The following ITPR1 variants were observed in gnomAD, a reference collection of about 807,000 sequenced individuals.
The protein encoded by ITPR1 is inositol 1,4,5-trisphosphate-gated calcium channel ITPR1.
ITPR1 carries 96 observed loss-of-function variants against 318.4 expected under a neutral mutation model. The observed-to-expected ratio is 0.30, with a 90% CI of 0.26 to 0.36. ITPR1 has a LOEUF of 0.36. ITPR1 is among the 10% of genes least tolerant of loss of function. The probability of loss-of-function intolerance (pLI) is 1.00; values close to 1 mark genes in which losing one functional copy is unlikely to be tolerated. For synonymous variants in ITPR1, 1,312 were observed against 1,289.9 expected (o/e 1.02, Z -0.37); for missense variants, 2,440 against 3,460.2 (o/e 0.71, Z 7.40).
intron 13 of ITPR1, among the ~76,000 whole-genome samples, chr3:4,660,491 T>C (rs973480346): frequency 1.3e-5 from 2 of 152,026 alleles, no homozygotes; most frequent in Non-Finnish European, 2.9e-5. Context: ...GTTATCCGTC[T>C]TTTACTTTTA....
chr3:4,700,478 G>A (rs777331272), intron 35 of ITPR1, among the ~76,000 whole-genome samples: 1 of 152,204 alleles, frequency 6.6e-6, no homozygotes, highest in Non-Finnish European at 1.5e-5. Context: ...AACATGTACT[G>A]GTTGAAGCCT....
Position 4,813,190 on chromosome 3 carries a change from G to A in ITPR1, c.7517G>A (p.Arg2506Lys). ...GAGTTCCTGTTCTCCGATGTGTGTA[G>A]GGTGGAGAGTGGGGAGAACTGCTCC... ...ASEFLFSDVC[R>K]VESGENCSSP... The change falls in exon 57 of 62, where the codon AGG becomes AAG. Residue 2506 changes from arginine to lysine, a missense_variant. Physicochemically the swap from Arg to Lys is conservative, Grantham distance 26 (BLOSUM62 2). Transcript: ENST00000649015. 1 of 1,613,918 alleles carries A rather than the reference G, an allele frequency of 6.2e-7. No individual in the cohort carries two copies. Among genetic ancestry groups the A allele is most frequent in the Non-Finnish European group, 8.5e-7 (1 of 1,179,810 alleles).
chr3:4,590,531 A>C (rs1463440168), intron 4 of ITPR1, among the ~76,000 whole-genome samples: 1 of 149,372 alleles, frequency 6.7e-6, no homozygotes, highest in East Asian at 1.9e-4. Context: ...CTTAATAATA[A>C]TAATAATTTT....
At chr3:4,694,080 C>T (rs74441817) in intron 33 of ITPR1, among the ~76,000 whole-genome samples, 2,270 of 151,962 alleles carry the variant, frequency 0.015, 58 homozygotes, top group African/African-American at 0.052. Context: ...AGATCTAGTC[C>T]ATATGAATGT....
intron 4 of ITPR1, among the ~76,000 whole-genome samples, chr3:4,524,151 C>T (rs1234520867): frequency 6.6e-6 from 1 of 152,186 alleles, no homozygotes; most frequent in East Asian, 1.9e-4. Flanking sequence ...ACCAGAGGTC[C>T]CCTGCACCCA....
chr3:4,675,277 G>A (rs1256532124), intron 23 of ITPR1, 29 bp downstream of exon 23: 9 of 1,534,916 alleles, frequency 5.9e-6, no homozygotes, highest in Non-Finnish European at 8.0e-6. Flanking sequence ...CCATACATCT[G>A]AGAGATGCCC....
intron 60 of ITPR1, among the ~76,000 whole-genome samples, chr3:4,830,013 GC>G (rs2050366608): frequency 9.0e-6 from 1 of 111,110 alleles, no homozygotes; most frequent in African/African-American, 3.5e-5. Flanking sequence ...CTGCTCTGTT[GC>G]CCAGGCTGGA....
intron 10 of ITPR1, among the ~76,000 whole-genome samples, chr3:4,647,759 T>C (rs1275494869): frequency 6.6e-6 from 1 of 152,212 alleles, no homozygotes; most frequent in Non-Finnish European, 1.5e-5. Flanking sequence ...TCTCATGTGC[T>C]TATTTGGCAT....
intron 4 of ITPR1, among the ~76,000 whole-genome samples, chr3:4,525,714 T>A (rs1159589135): frequency 6.6e-6 from 1 of 152,188 alleles, no homozygotes; most frequent in African/African-American, 2.4e-5. Context: ...TTCTCCCTGA[T>A]TTGTGTTGTC....
intron 47 of ITPR1, among the ~76,000 whole-genome samples, chr3:4,775,644 C>G (rs994546722): frequency 1.3e-5 from 2 of 152,292 alleles, no homozygotes; most frequent in Non-Finnish European, 1.5e-5. Context: ...ATTGGAGGGA[C>G]AGTCCATGGT....
chr3:4,778,040 C>T (rs1297404532), intron 48 of ITPR1, among the ~76,000 whole-genome samples: 8 of 152,192 alleles, frequency 5.3e-5, no homozygotes, highest in Admixed American at 2.0e-4. Context: ...AACAGCTTAA[C>T]GGAATGAAAA....
intron 37 of ITPR1, 101 bp downstream of exon 37, chr3:4,706,452 T>C (rs781222917): frequency 1.9e-6 from 2 of 1,051,958 alleles, no homozygotes. Flanking sequence ...AGCTGGGCCG[T>C]GGGAAGATGT....
chr3:4,675,332 C>A, intron 23 of ITPR1, 84 bp downstream of exon 23: 1 of 907,918 alleles, frequency 1.1e-6, no homozygotes, highest in Non-Finnish European at 1.7e-6. Context: ...ATATGTGATG[C>A]CACATCCTTT....
chr3:4,587,538 T>C (rs1457000624), intron 4 of ITPR1, among the ~76,000 whole-genome samples: 1 of 152,212 alleles, frequency 6.6e-6, no homozygotes, highest in Non-Finnish European at 1.5e-5. Flanking sequence ...CCCAAAGTAC[T>C]GGGATTACAG....
intron 10 of ITPR1, 57 bp downstream of exon 10, chr3:4,645,785 G>A (rs2093440760): frequency 9.1e-7 from 1 of 1,104,200 alleles, no homozygotes; most frequent in Non-Finnish European, 1.2e-6. Context: ...CCTGTATATA[G>A]GCTCTCTCTC....
At chr3:4,581,494 G>C (rs1007716583) in intron 4 of ITPR1, among the ~76,000 whole-genome samples, 5 of 152,110 alleles carry the variant, frequency 3.3e-5, no homozygotes, top group Non-Finnish European at 5.9e-5. Flanking sequence ...GGAATATTTG[G>C]GATGGTAGTG....
intron 60 of ITPR1, among the ~76,000 whole-genome samples, chr3:4,828,622 C>T (rs545620405): frequency 1.9e-4 from 29 of 152,282 alleles, no homozygotes; most frequent in African/African-American, 5.8e-4. Context: ...CCCAGGAAAT[C>T]CTCCACCGGT....
chr3:4,725,678 C>G, intron 41 of ITPR1, 97 bp downstream of exon 41: 1 of 1,098,712 alleles, frequency 9.1e-7, no homozygotes, highest in Non-Finnish European at 1.4e-6. Context: ...AACAAAAAGT[C>G]TCTCCCGGTG....
intron 39 of ITPR1, among the ~76,000 whole-genome samples, chr3:4,713,318 A>T (rs937571918): frequency 8.5e-5 from 13 of 152,252 alleles, no homozygotes; most frequent in African/African-American, 3.1e-4. Flanking sequence ...TCAAATCTGG[A>T]GACCACAATT....
Sources: gnomAD v4.1 joint callset for allele counts (sites outside exome capture counted in the v4.1 genomes callset) on GRCh38, gnomAD v4.1.1 for gene constraint, MANE v1.5 for transcripts, NCBI Gene and HGNC (gene_info 2026-07-23, HGNC 2026-07-21) for gene names.